The following ATP8A2 variants were observed in gnomAD, a reference collection of about 807,000 sequenced individuals.
ATP8A2 encodes the protein ATPase phospholipid transporting 8A2, also known as phospholipid-transporting ATPase IB.
A neutral mutation model predicts 165.6 loss-of-function variants in ATP8A2; 100 were observed. The observed-to-expected ratio is 0.60, with a 90% CI of 0.51 to 0.71. ATP8A2 has a LOEUF of 0.71. Ranked by LOEUF, ATP8A2 falls within the 30% of genes least tolerant of loss-of-function variation. The pLI is 0.00. For synonymous variants in ATP8A2, 543 were observed against 548.8 expected (o/e 0.99, Z 0.15); for missense variants, 1,227 against 1,479.5 (o/e 0.83, Z 2.80).
At chr13:25,741,638 AG>A (rs1307926258) in intron 25 of ATP8A2, among the ~76,000 whole-genome samples, 1 of 152,096 alleles carries the variant, frequency 6.6e-6, no homozygotes, top group Non-Finnish European at 1.5e-5. Context: ...CAGCCTCCCA[AG>A]GTGCTGAGAT....
At chr13:25,401,068 C>T (rs945563994) in intron 1 of ATP8A2, among the ~76,000 whole-genome samples, 1 of 151,996 alleles carries the variant, frequency 6.6e-6, no homozygotes, top group Admixed American at 6.6e-5. Context: ...GAATAACTGC[C>T]AGGCACTCTG....
Position 26,012,569 on chromosome 13 carries a change from G to T in ATP8A2, c.3416G>T (p.Arg1139Leu), listed in dbSNP as rs748057522. ...GACCGCCTGATCAAGAGGCTGGGCC[G>T]GAAGACGCCCCCGACGCTGTTCCGG... ...ERDRLIKRLGRKTPPTLFRGS... is the reference protein window; with the variant it reads ...ERDRLIKRLGLKTPPTLFRGS... Residue 1139 changes from arginine (R) to leucine (L), a missense_variant, in exon 36 of 37, where the codon CGG becomes CTG. Coordinates refer to ENST00000381655, the MANE Select transcript of ATP8A2 (RefSeq NM_016529.6). The T allele has an allele frequency of 2.6e-6, 4 of 1,532,254 alleles. No individual in the cohort carries two copies. The highest frequency in any genetic ancestry group is 3.5e-6 in the Non-Finnish European group (4 of 1,139,486). The allele number at this position is 1,532,254 out of a possible 1,614,324, so 94.9% of individuals were successfully genotyped here. A position where few individuals can be genotyped will look rare whatever the true frequency, so the allele number is the denominator to read the frequency against.
At chr13:25,651,894 TTTTG>T (rs1201880918) in intron 24 of ATP8A2, among the ~76,000 whole-genome samples, 4 of 152,194 alleles carry the variant, frequency 2.6e-5, no homozygotes, top group African/African-American at 4.8e-5. Flanking sequence ...TTGTTTATAA[TTTTG>T]TTTATTACTT....
In ATP8A2 at chr13:25,968,656, G is replaced by T; in HGVS notation, c.3354G>T (p.Val1118=). 6.2e-7 allele frequency: 1 copy of T among 1,613,634 alleles called. No homozygotes were observed. ...AGTCTCGAGTCCTGGGAAAAGCGGT[G>T]CTGCGGGATAGCAATGGAAAGAGGT... The part of the protein sequence containing the change: ...ETKSRVLGKA[V]LRDSNGKRLN... Residue 1118 remains valine (V), a synonymous_variant, in exon 35 of 37, where the codon GTG becomes GTT. Transcript: ENST00000381655.
intron 24 of ATP8A2, among the ~76,000 whole-genome samples, chr13:25,611,173 C>T (rs542712275): frequency 1.3e-5 from 2 of 152,074 alleles, no homozygotes; most frequent in Non-Finnish European, 2.9e-5. Flanking sequence ...CTAGGACTTC[C>T]AGTACTATGT....
At chr13:25,940,442 C>T (rs1566287252) in intron 33 of ATP8A2, among the ~76,000 whole-genome samples, 1 of 152,320 alleles carries the variant, frequency 6.6e-6, no homozygotes, top group East Asian at 1.9e-4. Flanking sequence ...AGACCTTCTC[C>T]CTCCTGCCCG....
chr13:25,636,525 C>T (rs1241342109), intron 24 of ATP8A2, among the ~76,000 whole-genome samples: 3 of 152,014 alleles, frequency 2.0e-5, no homozygotes, highest in South Asian at 2.1e-4. Context: ...CTTAGTATTC[C>T]CGGAAATATC....
chr13:25,559,793 C>T, intron 15 of ATP8A2, 28 bp downstream of exon 15: 1 of 1,542,408 alleles, frequency 6.5e-7, no homozygotes, highest in South Asian at 1.1e-5. Context: ...CTTCTTGACA[C>T]TTTAGTGGAA....
intron 1 of ATP8A2, among the ~76,000 whole-genome samples, chr13:25,449,332 T>A (rs541136669): frequency 6.6e-6 from 1 of 152,354 alleles, no homozygotes; most frequent in South Asian, 2.1e-4. Context: ...TTTTTAAAAA[T>A]CCTCTTTGTT....
chr13:25,615,679 C>T (rs939664663), intron 24 of ATP8A2, among the ~76,000 whole-genome samples: 7 of 152,132 alleles, frequency 4.6e-5, no homozygotes, highest in Admixed American at 2.6e-4. Context: ...GAGACAAAAC[C>T]AGAAATGTGT....
chr13:25,731,301 AAAGAAAAGACC>A (rs2043632430), intron 25 of ATP8A2, among the ~76,000 whole-genome samples: 1 of 150,646 alleles, frequency 6.6e-6, no homozygotes, highest in African/African-American at 2.4e-5. Flanking sequence ...AGAGAGAAAG[AAAGAAAAGACC>A]GGAAGGAGAG....
chr13:25,602,096 T>C (rs1329177826), intron 24 of ATP8A2, among the ~76,000 whole-genome samples: 1 of 152,222 alleles, frequency 6.6e-6, no homozygotes, highest in Admixed American at 6.5e-5. Context: ...ATCAACATTT[T>C]TTGTGTGTGT....
intron 33 of ATP8A2, among the ~76,000 whole-genome samples, chr13:25,875,699 C>CGTTGCA: frequency 1.3e-5 from 2 of 149,404 alleles, no homozygotes; most frequent in African/African-American, 5.2e-5. Context: ...AAATTTCAGC[C>CGTTGCA]CAACTGTTTT....
intron 10 of ATP8A2, among the ~76,000 whole-genome samples, chr13:25,547,516 G>C (rs888521417): frequency 6.6e-6 from 1 of 152,100 alleles, no homozygotes; most frequent in Admixed American, 6.5e-5. Context: ...CCTGCAGATG[G>C]GACTGTCTAG....
intron 24 of ATP8A2, among the ~76,000 whole-genome samples, chr13:25,593,275 GGC>G (rs1255470729): frequency 1.3e-5 from 2 of 152,136 alleles, no homozygotes; most frequent in Non-Finnish European, 2.9e-5. Context: ...AGAAGCATTT[GGC>G]CTGGCTTCTC....
chr13:25,444,243 G>A (rs979535496), intron 1 of ATP8A2, among the ~76,000 whole-genome samples: 10 of 152,220 alleles, frequency 6.6e-5, no homozygotes, highest in Non-Finnish European at 1.5e-4. Flanking sequence ...TGTGAGATCA[G>A]TGGTGTGTGG....
chr13:25,714,651 T>TAA (rs2137997585), intron 25 of ATP8A2, among the ~76,000 whole-genome samples: 1 of 152,326 alleles, frequency 6.6e-6, no homozygotes, highest in South Asian at 2.1e-4. Context: ...TGTGATAGGC[T>TAA]AACCAAACCT....
intron 27 of ATP8A2, among the ~76,000 whole-genome samples, chr13:25,825,995 G>A (rs1951304695): frequency 6.6e-6 from 1 of 152,136 alleles, no homozygotes; most frequent in Non-Finnish European, 1.5e-5. Flanking sequence ...CGGACAGGAG[G>A]AATAAGTTGT....
chr13:25,837,337 G>T, intron 29 of ATP8A2, 52 bp downstream of exon 29: 1 of 1,600,062 alleles, frequency 6.2e-7, no homozygotes, highest in South Asian at 1.1e-5. Context: ...GTGGCTGTTT[G>T]ATTCTAGTCA....
Sources: allele counts gnomAD v4.1 joint callset (sites outside exome capture counted in the v4.1 genomes callset), GRCh38; gene constraint gnomAD v4.1.1; transcripts MANE v1.5; gene names NCBI Gene and HGNC (gene_info 2026-07-23, HGNC 2026-07-21).